TAF3: variants seen among roughly 807,000 people sequenced by gnomAD.
TAF3 encodes TATA-box binding protein associated factor 3.
In TAF3, 7 loss-of-function variants were observed where a neutral mutation model predicts 80.6. The ratio of observed to expected loss-of-function variants is 0.09; its 90% confidence interval spans 0.05 to 0.16. The LOEUF (loss-of-function observed/expected upper bound fraction) is 0.16. Among genes scored for constraint, TAF3 ranks in the 10% least tolerant of loss-of-function variants. The pLI is 1.00. For missense variants in TAF3, 921 were observed against 1,140.2 expected (o/e 0.81, Z 2.77); for synonymous variants, 444 against 446.1 (o/e 1.00, Z 0.06).
At chr10:7,861,555 C>T (rs2131135907) in intron 2 of TAF3, among the ~76,000 whole-genome samples, 1 of 152,148 alleles carries the variant, frequency 6.6e-6, no homozygotes, top group East Asian at 1.9e-4. Flanking sequence ...TCAAAAAAGT[C>T]CATAAAAAAT....
intron 2 of TAF3, among the ~76,000 whole-genome samples, chr10:7,832,377 C>CT (rs35309786): frequency 6.6e-6 from 1 of 152,034 alleles, no homozygotes; most frequent in Non-Finnish European, 1.5e-5. Flanking sequence ...AAATTTCCTT[C>CT]TTTTTTTAAA....
chr10:7,849,914 C>T (rs553288165), intron 2 of TAF3, among the ~76,000 whole-genome samples: 61 of 152,204 alleles, frequency 4.0e-4, no homozygotes, highest in African/African-American at 1.4e-3. Context: ...ATCCTGAGCT[C>T]GGGCAGTCTA....
chr10:7,850,686 A>T (rs2388430), intron 2 of TAF3, among the ~76,000 whole-genome samples: 98,799 of 150,542 alleles, frequency 0.66, 33,699 homozygotes, highest in Non-Finnish European at 0.74. Context: ...AAAAAAAAAA[A>T]ATATATATGT....
intron 2 of TAF3, among the ~76,000 whole-genome samples, chr10:7,952,347 G>A (rs937870275): frequency 9.9e-5 from 15 of 152,082 alleles, no homozygotes; most frequent in African/African-American, 3.1e-4. Flanking sequence ...AGTGATTAAC[G>A]ATAGCAATTT....
chr10:7,994,074 C>T, intron 4 of TAF3, among the ~76,000 whole-genome samples: 1 of 148,818 alleles, frequency 6.7e-6, no homozygotes, highest in Non-Finnish European at 1.5e-5. Flanking sequence ...CTCTCTCCCA[C>T]TTCCCCTCTT....
At chr10:8,001,208 C>CA (rs1831940587) in intron 4 of TAF3, among the ~76,000 whole-genome samples, 1 of 152,164 alleles carries the variant, frequency 6.6e-6, no homozygotes, top group South Asian at 2.1e-4. Context: ...AAAGAGCTTG[C>CA]ACGTTTTTAA....
intron 1 of TAF3, among the ~76,000 whole-genome samples, chr10:7,821,109 A>C (rs999722875): frequency 6.6e-6 from 1 of 152,240 alleles, no homozygotes; most frequent in Non-Finnish European, 1.5e-5. Context: ...TCCAGGGGTC[A>C]CTGCAGCTCT....
intron 2 of TAF3, among the ~76,000 whole-genome samples, chr10:7,910,313 T>C (rs1034161829): frequency 2.0e-5 from 3 of 152,146 alleles, no homozygotes; most frequent in African/African-American, 7.2e-5. Flanking sequence ...TAGAAAATAC[T>C]GCTACAACAT....
intron 2 of TAF3, among the ~76,000 whole-genome samples, chr10:7,907,537 A>G (rs770562209): frequency 6.6e-6 from 1 of 152,228 alleles, no homozygotes; most frequent in South Asian, 2.1e-4. Flanking sequence ...AGGGATAACA[A>G]AGAATTCAGA....
chr10:7,835,634 C>T (rs1395447257), intron 2 of TAF3, among the ~76,000 whole-genome samples: 3 of 152,134 alleles, frequency 2.0e-5, no homozygotes, highest in African/African-American at 7.2e-5. Flanking sequence ...CTCACTCAGC[C>T]CCTTGTACTC....
chr10:7,902,663 A>G (rs1440680437), intron 2 of TAF3, among the ~76,000 whole-genome samples: 2 of 152,214 alleles, frequency 1.3e-5, no homozygotes, highest in East Asian at 3.9e-4. Context: ...GATGTTTTTC[A>G]TGTAAAGGTC....
rs750306982 is a variant in TAF3 at position 7,937,362 on chromosome 10, C to T, written c.410-26558C>T. Among the ~76,000 whole-genome samples the T allele has an allele frequency of 2.4e-4, 37 of 152,238 alleles. 1 individual carries two copies. Among genetic ancestry groups the T allele is most frequent in the Admixed American group, 1.3e-4 (2 of 15,294 alleles). ...CCAGGATTTGGTGTTGGCAGTGTTT[C>T]GGCTTTTGGTCATTCTAATAGGTGT... On this transcript the variant is annotated intron_variant, in intron 2 of 6. Transcript: ENST00000344293.
chr10:7,854,255 C>T (rs889503329), intron 2 of TAF3, among the ~76,000 whole-genome samples: 1 of 152,180 alleles, frequency 6.6e-6, no homozygotes, highest in East Asian at 1.9e-4. Context: ...GGTCAGCCAA[C>T]ACATATTTGC....
At position 7,977,257 on chromosome 10, in the gene TAF3, T is replaced by C. The variant is rs749614753; in HGVS notation, c.2249T>C (p.Val750Ala). The change falls in exon 4 of 7, where the codon GTC (valine) becomes GCC (alanine). Residue 750 changes from valine (V) to alanine (A), a missense_variant. Physicochemically the swap from Val to Ala is moderately conservative, Grantham distance 64. Around this residue, in one of 6 missense-constraint regions of TAF3, gnomAD observed 743 missense variants for 821.0 expected, o/e 0.90. Coordinates refer to ENST00000344293, the MANE Select transcript of TAF3 (RefSeq NM_031923.4). ...CTTCCACAGATAAAAGTGGAACCAG[T>C]CGCTCTGGCCCCGAGTCCAGTTATC... ...HKHEKIKVEP[V>A]ALAPSPVIPR... 16 of 1,614,168 alleles carry C rather than the reference T, an allele frequency of 9.9e-6. No individual in the cohort carries two copies. The highest frequency in any genetic ancestry group is 1.3e-5 in the Non-Finnish European group (15 of 1,180,016).
At chr10:7,948,978 C>T (rs895644943) in intron 2 of TAF3, among the ~76,000 whole-genome samples, 1 of 152,208 alleles carries the variant, frequency 6.6e-6, no homozygotes, top group African/African-American at 2.4e-5. Flanking sequence ...GGGACTGACG[C>T]GCAGAGGTGC....
chr10:7,837,472 G>A (rs190419574), intron 2 of TAF3, among the ~76,000 whole-genome samples: 113 of 152,020 alleles, frequency 7.4e-4, no homozygotes, highest in African/African-American at 2.6e-3. Context: ...GCGAAACCTC[G>A]TCTCTACTAA....
Position 7,865,130 on chromosome 10 carries a change from G to A in TAF3, c.409+40570G>A, listed in dbSNP as rs182219376. On this transcript the variant is annotated intron_variant, in intron 2 of 6. Coordinates refer to ENST00000344293, the MANE Select transcript of TAF3 (RefSeq NM_031923.4). ...CTTCAGAGGGAAGTGAGTGGGGCCT[G>A]GGGGTCAGGAGCTTCAGGAGTGGAG... Among the ~76,000 whole-genome samples the A allele has an allele frequency of 9.9e-5, 15 of 152,178 alleles. No individual in the cohort carries two copies. The East Asian group carries it at 2.5e-3, about 26-fold the overall frequency.
At chr10:7,869,467 A>G (rs764474441) in intron 2 of TAF3, among the ~76,000 whole-genome samples, 3 of 152,172 alleles carry the variant, frequency 2.0e-5, no homozygotes, top group Non-Finnish European at 2.9e-5. Context: ...ACTTATCCTC[A>G]TGGGAGCATA....
At chr10:7,840,913 G>C (rs1166118140) in intron 2 of TAF3, among the ~76,000 whole-genome samples, 1 of 151,364 alleles carries the variant, frequency 6.6e-6, no homozygotes, top group Non-Finnish European at 1.5e-5. Context: ...GCAATGGCGT[G>C]ATCTCGGCTC....
Sources: allele counts gnomAD v4.1 joint callset (sites outside exome capture counted in the v4.1 genomes callset), GRCh38; gene constraint gnomAD v4.1.1; regional missense constraint gnomAD v4.1.1; transcripts MANE v1.5; gene names NCBI Gene and HGNC (gene_info 2026-07-23, HGNC 2026-07-21).